Variants in MYO1H observed in about 807,000 individuals in gnomAD.
The protein encoded by MYO1H is unconventional myosin-Ih.
A neutral mutation model predicts 149.3 loss-of-function variants in MYO1H; 118 were observed. The observed-to-expected ratio is 0.79, with a 90% CI of 0.68 to 0.92. MYO1H has a LOEUF of 0.92. Among genes scored for constraint, MYO1H ranks in the 40% least tolerant of loss-of-function variants. The pLI is 0.00. For synonymous variants in MYO1H, 447 were observed against 465.2 expected (o/e 0.96, Z 0.50); for missense variants, 1,212 against 1,280.7 (o/e 0.95, Z 0.82).
At chr12:109,443,438 C>T in intron 27 of MYO1H, 76 bp from the exon 28 acceptor site, 8 of 1,543,350 alleles carry the variant, frequency 5.2e-6, no homozygotes, top group Non-Finnish European at 7.1e-6. Flanking sequence ...CTTGACATCA[C>T]TTTACCGGTG....
intron 22 of MYO1H, among the ~76,000 whole-genome samples, chr12:109,437,066 C>A (rs1310020784): frequency 6.6e-6 from 1 of 152,110 alleles, no homozygotes; most frequent in Non-Finnish European, 1.5e-5. Flanking sequence ...GATGGAACCA[C>A]TGCACTCCAG....
intron 13 of MYO1H, among the ~76,000 whole-genome samples, chr12:109,411,650 C>G (rs990112324): frequency 6.6e-6 from 1 of 152,068 alleles, no homozygotes; most frequent in Admixed American, 6.6e-5. Context: ...GACTTTGAGT[C>G]AGATGGTCAG....
At chr12:109,388,464 G>A (rs76731413) in intron 1 of MYO1H, among the ~76,000 whole-genome samples, 8,903 of 152,164 alleles carry the variant, frequency 0.059, 854 homozygotes, top group African/African-American at 0.2. Flanking sequence ...ATAGTACCTA[G>A]CAGTAAATAC....
At chr12:109,393,505 CTCCT>C (rs1869754630) in intron 3 of MYO1H, 59 bp downstream of exon 3, 7 of 796,008 alleles carry the variant, frequency 8.8e-6, no homozygotes, top group South Asian at 1.8e-5. Context: ...CTTCCTCTCT[CTCCT>C]TCCTTCTCAC....
At chr12:109,400,725 TAGAGA>T (rs1435770712) in intron 5 of MYO1H, among the ~76,000 whole-genome samples, 5 of 152,148 alleles carry the variant, frequency 3.3e-5, no homozygotes, top group Admixed American at 2.0e-4. Flanking sequence ...TATGATTCAG[TAGAGA>T]AAAGATCATC....
At chr12:109,398,905 G>C (rs68127891) in intron 5 of MYO1H, among the ~76,000 whole-genome samples, 23,265 of 152,080 alleles carry the variant, frequency 0.15, 2,230 homozygotes, top group African/African-American at 0.26. Context: ...CCCAAGTCCA[G>C]TCTTGTAGCA....
At chr12:109,407,794 G>A (rs772033036) in exon 10 of MYO1H, 2 of 1,613,394 alleles carry the variant, frequency 1.2e-6, no homozygotes, top group South Asian at 1.1e-5. Context: ...TTCTTTTCAG[G>A]TGATCTGCCC....
At chr12:109,356,665 G>A (rs990032406) in intron 1 of MYO1H, among the ~76,000 whole-genome samples, 7 of 152,028 alleles carry the variant, frequency 4.6e-5, no homozygotes, top group South Asian at 2.1e-4. Context: ...TCTAACTCCC[G>A]TGGGCCAATT....
the MYO1H span, among the ~76,000 whole-genome samples, chr12:109,320,364 C>T: frequency 6.8e-6 from 1 of 146,260 alleles, no homozygotes; most frequent in Non-Finnish European, 1.5e-5. Context: ...AATCCCAACA[C>T]TTTGGGAGGC....
At chr12:109,422,012 G>A (rs1321910194) in intron 16 of MYO1H, among the ~76,000 whole-genome samples, 1 of 152,006 alleles carries the variant, frequency 6.6e-6, no homozygotes, top group Non-Finnish European at 1.5e-5. Context: ...TTAGAGACAG[G>A]ATCTTGCTAT....
chr12:109,399,188 T>C (rs73192589), intron 5 of MYO1H, among the ~76,000 whole-genome samples: 5,138 of 152,276 alleles, frequency 0.034, 121 homozygotes, highest in Middle Eastern at 0.065. Flanking sequence ...AAAATTTTTT[T>C]GAAACTTCAA....
At chr12:109,401,024 C>T in intron 5 of MYO1H, 69 bp from the exon 6 acceptor site, 2 of 1,390,178 alleles carry the variant, frequency 1.4e-6, no homozygotes, top group Non-Finnish European at 2.0e-6. Context: ...AACTTCGGGC[C>T]ATCAGGAGAT....
chr12:109,386,774 T>C lies in MYO1H; in HGVS notation c.13-1909T>C, dbSNP rs1869334318. Among the ~76,000 whole-genome samples, 3 of 152,334 alleles carry C rather than the reference T, an allele frequency of 2.0e-5. No individual in the cohort carries two copies. In the South Asian group the frequency reaches 6.2e-4, roughly 32 times the overall value. On this transcript the variant is annotated intron_variant, in intron 1 of 31. Transcript: ENST00000310903. ...TATAATTTAGGAATATTTTCTGCTG[T>C]TCTGTGACTTGCCTATTTTCTTAAC...
intron 1 of MYO1H, among the ~76,000 whole-genome samples, chr12:109,388,008 C>T (rs1869435592): frequency 6.6e-6 from 1 of 152,200 alleles, no homozygotes; most frequent in South Asian, 2.1e-4. Context: ...TGTAGCCACA[C>T]CTTCTCCAGT....
At chr12:109,440,880 G>T (rs1219686321) in intron 25 of MYO1H, 53 bp downstream of exon 25, 8 of 1,285,320 alleles carry the variant, frequency 6.2e-6, no homozygotes, top group African/African-American at 2.9e-5. Flanking sequence ...GTAAGAGTGG[G>T]TCCTGAGTGT....
chr12:109,404,180 T>A, intron 7 of MYO1H, 100 bp downstream of exon 7: 1 of 868,900 alleles, frequency 1.2e-6, no homozygotes, highest in Non-Finnish European at 1.8e-6. Context: ...ATTCAACAAA[T>A]AAAAATACAG....
the MYO1H span, among the ~76,000 whole-genome samples, chr12:109,338,765 C>T: frequency 6.9e-5 from 6 of 87,350 alleles, no homozygotes; most frequent in Non-Finnish European, 1.3e-4. Context: ...GACTCCATCT[C>T]AAAAAAAAAA....
chr12:109,438,379 A>T (rs1172207863), intron 22 of MYO1H, among the ~76,000 whole-genome samples, 157 bp from the exon 23 acceptor site: 1 of 152,132 alleles, frequency 6.6e-6, no homozygotes, highest in African/African-American at 2.4e-5. Flanking sequence ...CCCAGGTAAG[A>T]ACTGATGACA....
the MYO1H span, among the ~76,000 whole-genome samples, chr12:109,320,455 C>CAAAAAAAA: frequency 1.4e-4 from 9 of 63,334 alleles, no homozygotes; most frequent in Admixed American, 2.2e-4. Flanking sequence ...ATTAAAAATA[C>CAAAAAAAA]AAAAAAAAAA....
Sources: gnomAD v4.1 joint callset for allele counts (sites outside exome capture counted in the v4.1 genomes callset) on GRCh38, gnomAD v4.1.1 for gene constraint, MANE v1.5 for transcripts, NCBI Gene and HGNC (gene_info 2026-07-23, HGNC 2026-07-21) for gene names.